CDH16: variants seen among roughly 807,000 people sequenced by gnomAD.
The protein encoded by CDH16 is cadherin 16.
CDH16 carries 79 observed loss-of-function variants against 87.6 expected under a neutral mutation model. That is an observed-to-expected ratio of 0.90 (90% CI 0.75 to 1.09). CDH16 has a LOEUF of 1.09. Ranked by LOEUF, CDH16 falls within the 50% of genes least tolerant of loss-of-function variation. The probability of loss-of-function intolerance (pLI) is 0.00; values close to 1 mark genes in which losing one functional copy is unlikely to be tolerated. For synonymous variants in CDH16, 457 were observed against 439.5 expected (o/e 1.04, Z -0.50); for missense variants, 1,124 against 1,071.7 (o/e 1.05, Z -0.68).
intron 14 of CDH16, chr16:66,910,858 G>C (rs1962382323): frequency 2.7e-6 from 1 of 373,546 alleles, no homozygotes; most frequent in Admixed American, 4.4e-5. Context: ...GGCAGCCCCT[G>C]GTCCTCCTGC....
intron 9 of CDH16, 54 bp downstream of exon 9, chr16:66,913,077 A>G: frequency 6.4e-7 from 1 of 1,561,786 alleles, no homozygotes; most frequent in Non-Finnish European, 8.7e-7. Context: ...CCCAGAGAAG[A>G]GCAAGACCAG....
chr16:66,911,777 T>A lies in CDH16; in HGVS notation c.1790+122A>T, dbSNP rs1029350293. The A allele has an allele frequency of 4.8e-6, 6 of 1,241,418 alleles. No individual in the cohort carries two copies. In the Admixed American group the frequency reaches 1.3e-4, roughly 27 times the overall value. 76.9% of individuals were successfully genotyped at this position (1,241,418 alleles called of 1,614,324 possible). On this transcript the variant is annotated intron_variant, in intron 13 of 17. Coordinates refer to ENST00000299752, the MANE Select transcript of CDH16 (RefSeq NM_004062.4). ...CCTGCCAGGAGTCACAACCTTGGCA[T>A]TTGCCATAGTTTGAGAAATTTTGCA...
In CDH16 at chr16:66,910,217, C is replaced by T. The variant is rs367669100; in HGVS notation, c.2167+43G>A. 290 of 1,561,988 alleles carry T rather than the reference C, an allele frequency of 1.9e-4. No individual in the cohort carries two copies. In the Middle Eastern group the frequency reaches 2.6e-3, roughly 14 times the overall value. ...ATCTCACTTCCAAGTGACACCCCCTCCCTGCCTTGGCCACAGCCTCCCTCC... is the reference window on the plus strand; with the variant it reads ...ATCTCACTTCCAAGTGACACCCCCTTCCTGCCTTGGCCACAGCCTCCCTCC... On this transcript the variant is annotated intron_variant, in intron 15 of 17. Transcript: ENST00000299752.
chr16:66,911,931 G>A lies in CDH16; in HGVS notation c.1758C>T (p.Ile586=). ...SAPAGSFLLT[I]QPSDPISRTL... ...TTCGGCTGATGGGGTCGGAGGGCTG[G>A]ATGGTCAGCAGGAAAGAGCCGGCTG... Residue 586 remains isoleucine, a synonymous_variant, in exon 13 of 18, where the codon ATC becomes ATT. Coordinates refer to ENST00000299752, the MANE Select transcript of CDH16 (RefSeq NM_004062.4). 1 of 1,611,172 alleles carries A rather than the reference G, an allele frequency of 6.2e-7. No individual in the cohort carries two copies. Among genetic ancestry groups the A allele is most frequent in the Non-Finnish European group, 8.5e-7 (1 of 1,177,790 alleles).
chr16:66,917,782 A>T, intron 2 of CDH16, 57 bp from the exon 3 acceptor site: 1 of 1,449,436 alleles, frequency 6.9e-7, no homozygotes, highest in Middle Eastern at 1.8e-4. Flanking sequence ...GGGCACTGAG[A>T]CCCAACAGAA....
chr16:66,909,745 G>A lies in CDH16; in HGVS notation c.2275+241C>T, dbSNP rs889928012. Among the ~76,000 whole-genome samples, 1 of 152,112 alleles carries A rather than the reference G, an allele frequency of 6.6e-6. No individual in the cohort carries two copies. Among genetic ancestry groups the A allele is most frequent in the Admixed American group, 6.5e-5 (1 of 15,284 alleles). On this transcript the variant is annotated intron_variant, in intron 16 of 17. Coordinates refer to ENST00000299752, the MANE Select transcript of CDH16 (RefSeq NM_004062.4). The surrounding 1 kb of genome is among the most constrained non-coding windows in gnomAD (Gnocchi z 4.1). ...TGGGAGGCGGAAGTTGTAGTGAGCC[G>A]AGATCATGCCACTACACTCCAGCCT...
Position 66,912,382 on chromosome 16 carries a change from C to T in CDH16, c.1408G>A (p.Ala470Thr), listed in dbSNP as rs768906591. The change falls in exon 12 of 18, where the codon GCC becomes ACC. Residue 470 changes from alanine (A) to threonine (T), a missense_variant. Coordinates refer to ENST00000299752, the MANE Select transcript of CDH16 (RefSeq NM_004062.4). ...PEDVEPGTLV[A>T]MLTAIDADLE... ...TCAGCATCAATGGCTGTTAGCATGG[C>T]CACCAGAGTCCCGGGCTCCACATCC... 1.2e-6 allele frequency: 2 copies of T among 1,614,058 alleles called. No individual in the cohort carries two copies. Among genetic ancestry groups the T allele is most frequent in the East Asian group, 4.5e-5 (2 of 44,878 alleles).
intron 1 of CDH16, among the ~76,000 whole-genome samples, chr16:66,918,465 T>C (rs1043838551): frequency 2.0e-5 from 3 of 152,242 alleles, no homozygotes; most frequent in African/African-American, 7.2e-5. Flanking sequence ...AGTCACCTCT[T>C]GTTGCAGGCA....
Position 66,910,347 on chromosome 16 carries a change from C to T in CDH16, c.2080G>A (p.Asp694Asn), listed in dbSNP as rs757577637. 18 of 1,613,700 alleles carry T rather than the reference C, an allele frequency of 1.1e-5. No individual in the cohort carries two copies. Among genetic ancestry groups the T allele is most frequent in the Admixed American group, 3.3e-5 (2 of 59,948 alleles). Reference protein sequence around the residue: ...LIVSGPSKDPDLASGHGPYSF... With the variant: ...LIVSGPSKDPNLASGHGPYSF... ...TAGGGACCGTGCCCACTGGCCAGAT[C>T]GGGGTCCTTGCTGGGTCCACTCACG... Residue 694 changes from aspartate (D) to asparagine (N), a missense_variant, in exon 15 of 18, where the codon GAT becomes AAT. Asp to Asn is a conservative substitution (Grantham distance 23, BLOSUM62 1). Coordinates refer to ENST00000299752, the MANE Select transcript of CDH16 (RefSeq NM_004062.4).
chr16:66,918,119 G>C, intron 1 of CDH16, 41 bp from the exon 2 acceptor site: 2 of 1,439,176 alleles, frequency 1.4e-6, no homozygotes, highest in Non-Finnish European at 1.9e-6. Flanking sequence ...AGGTGGGTAG[G>C]GAGGGGCTTT....
chr16:66,912,348 G>A lies in CDH16; in HGVS notation c.1442C>T (p.Pro481Leu). ...MLTAIDADLE[P>L]AFRLMDFAIE... The stretch of plus-strand genomic sequence containing the variant: ...GGCAAAATCCATGAGGCGGAAGGCG[G>A]GCTCGAGGTCAGCATCAATGGCTGT... The change falls in exon 12 of 18, where the codon CCC becomes CTC. Residue 481 changes from proline (P) to leucine (L), a missense_variant. Pro to Leu is a moderately conservative substitution (Grantham distance 98, BLOSUM62 -3). Transcript: ENST00000299752. 1 of 1,614,120 alleles carries A rather than the reference G, an allele frequency of 6.2e-7. No homozygotes were observed. Among genetic ancestry groups the A allele is most frequent in the Non-Finnish European group, 8.5e-7 (1 of 1,180,010 alleles).
At chr16:66,917,322 G>A (rs977689530) in intron 3 of CDH16, among the ~76,000 whole-genome samples, 5 of 151,682 alleles carry the variant, frequency 3.3e-5, no homozygotes, top group African/African-American at 9.7e-5. Flanking sequence ...AATGTATAAC[G>A]TTACCTTCAG....
intron 8 of CDH16, 88 bp from the exon 9 acceptor site, chr16:66,913,369 C>CCAGCTT: frequency 6.4e-7 from 1 of 1,561,730 alleles, no homozygotes; most frequent in South Asian, 1.2e-5. Flanking sequence ...TGGGCCAGCT[C>CCAGCTT]CAGCTCTTCG....
chr16:66,914,138 C>T, intron 7 of CDH16, 78 bp downstream of exon 7: 1 of 1,267,588 alleles, frequency 7.9e-7, no homozygotes, highest in South Asian at 1.3e-5. Flanking sequence ...CCAGACCCAG[C>T]CCCCAAATAT....
chr16:66,914,113 C>T (rs925673648), intron 7 of CDH16, 103 bp downstream of exon 7: 22 of 967,478 alleles, frequency 2.3e-5, no homozygotes, highest in South Asian at 1.2e-4. Flanking sequence ...GGGAGGAGCA[C>T]GGGTCATGAG....
rs1257941256 is a variant in CDH16 at position 66,915,214 on chromosome 16, G to T, written c.583+6C>A. The T allele has an allele frequency of 6.2e-7, 1 of 1,606,822 alleles. No homozygotes were observed. The highest frequency in any genetic ancestry group is 8.5e-7 in the Non-Finnish European group (1 of 1,177,662). On this transcript the variant is annotated splice_donor_region_variant and intron_variant, in intron 6 of 17. Coordinates refer to ENST00000299752, the MANE Select transcript of CDH16 (RefSeq NM_004062.4). ...TCCCTCCCCAGCACACCCCGCTCGG[G>T]CTTACCCTTGGGGCTGAGGGCCAGA...
chr16:66,912,481 C>A (rs1468066061), intron 11 of CDH16, 23 bp downstream of exon 11: 2 of 1,614,046 alleles, frequency 1.2e-6, no homozygotes, highest in East Asian at 4.5e-5. Flanking sequence ...CTTCCCAAGG[C>A]CTTCTCCCCT....
At chr16:66,917,131 C>CAA (rs57115386) in intron 3 of CDH16, among the ~76,000 whole-genome samples, 25 of 108,266 alleles carry the variant, frequency 2.3e-4, no homozygotes, top group Admixed American at 1.4e-3. Flanking sequence ...ACTAAAAATA[C>CAA]AAAAAAAAAA....
In CDH16 at chr16:66,916,151, A is replaced by C. The variant is rs763344066; in HGVS notation, c.338T>G (p.Leu113Arg). 1 of 1,614,248 alleles carries C rather than the reference A, an allele frequency of 6.2e-7. No individual in the cohort carries two copies. The highest frequency in any genetic ancestry group is 2.2e-5 in the East Asian group (1 of 44,886). The change falls in exon 5 of 18, where the codon CTT becomes CGT. Residue 113 changes from leucine to arginine, a missense_variant. Physicochemically the swap from Leu to Arg is moderately radical, Grantham distance 102. Transcript: ENST00000299752. This position sits in a 1 kb window ranked among gnomAD's most constrained non-coding sequence, Gnocchi z 4.1. Reference sequence around the variant, plus strand: ...GTCATTCTCATCCTTCACGTGCACAAGCACAGGCTGTGGACCCCACAAGAC... The same window carrying C: ...GTCATTCTCATCCTTCACGTGCACACGCACAGGCTGTGGACCCCACAAGAC... ...GHVLWGPQPV[L>R]VHVKDENDQV...
Sources: gnomAD v4.1 joint callset for allele counts (sites outside exome capture counted in the v4.1 genomes callset) on GRCh38, gnomAD v4.1.1 for gene constraint, Gnocchi (gnomAD v3.1) non-coding constraint, MANE v1.5 for transcripts, NCBI Gene and HGNC (gene_info 2026-07-23, HGNC 2026-07-21) for gene names.